BICD1: variants seen among roughly 807,000 people sequenced by gnomAD.
The protein encoded by BICD1 is protein bicaudal D homolog 1.
Under a neutral mutation model 92.5 loss-of-function variants are expected in BICD1, and 35 were observed. The ratio of observed to expected loss-of-function variants is 0.38; its 90% CI spans 0.29 to 0.50. The LOEUF (loss-of-function observed/expected upper bound fraction) is 0.50. Ranked by LOEUF, BICD1 falls within the 20% of genes least tolerant of loss-of-function variation. The pLI, the probability that BICD1 is intolerant of heterozygous loss-of-function variation, is 0.93. For missense variants in BICD1, 950 were observed against 1,189.8 expected (o/e 0.80, Z 2.97); for synonymous variants, 429 against 465.1 (o/e 0.92, Z 1.00).
At chr12:32,302,761 T>C (rs1002286826) in intron 3 of BICD1, among the ~76,000 whole-genome samples, 3 of 152,138 alleles carry the variant, frequency 2.0e-5, no homozygotes, top group East Asian at 1.9e-4. Context: ...TGCATATTCA[T>C]GGTAGAACAA....
At chr12:32,247,711 T>G (rs935699894) in intron 2 of BICD1, among the ~76,000 whole-genome samples, 2 of 151,926 alleles carry the variant, frequency 1.3e-5, no homozygotes, top group Non-Finnish European at 2.9e-5. Context: ...GGAAAATTGG[T>G]TGAACTGTGA....
chr12:32,333,336 T>A (rs1937961526), intron 5 of BICD1: 3 of 916,434 alleles, frequency 3.3e-6, no homozygotes, highest in Middle Eastern at 1.1e-3. Context: ...ATGAGTAAAG[T>A]CTCATTTTAA....
rs1296544885 is a variant in BICD1, at chr12:32,205,685, AATTTGC to A, written c.214-10560_214-10555del. Among the ~76,000 whole-genome samples, 3 of 92,552 alleles carry A rather than the reference AATTTGC, an allele frequency of 3.2e-5. 1 individual carries two copies. Among genetic ancestry groups the A allele is most frequent in the African/African-American group, 1.1e-4 (3 of 26,640 alleles). 60.7% of individuals were successfully genotyped at this position (92,552 alleles called of 152,430 possible). A position where few individuals can be genotyped will look rare whatever the true frequency, so the allele number is the denominator to read the frequency against. On this transcript the variant is annotated intron_variant, in intron 1 of 9. Coordinates refer to ENST00000652176, the MANE Select transcript of BICD1 (RefSeq NM_001714.4). ...CAGCTTTGTTGATGTATAAGTGATC[AATTTGC>A]ACTCTTTAAATATGTGCAATATATT...
chr12:32,172,899 T>C (rs979588905), intron 1 of BICD1, among the ~76,000 whole-genome samples: 2 of 152,230 alleles, frequency 1.3e-5, no homozygotes, highest in African/African-American at 4.8e-5. Flanking sequence ...CTATTCTCTT[T>C]CGGCATTTTT....
At chr12:32,216,968 G>A (rs1945379969) in intron 2 of BICD1, among the ~76,000 whole-genome samples, 1 of 152,170 alleles carries the variant, frequency 6.6e-6, no homozygotes, top group African/African-American at 2.4e-5. Flanking sequence ...GCAAATTATG[G>A]CTGGTATGAA....
intron 2 of BICD1, among the ~76,000 whole-genome samples, chr12:32,232,862 T>G (rs564813835): frequency 6.6e-6 from 1 of 152,274 alleles, no homozygotes; most frequent in African/African-American, 2.4e-5. Flanking sequence ...TCCCCATGAC[T>G]GCTTTATTTC....
chr12:32,202,223 C>G (rs1394643996), intron 1 of BICD1, among the ~76,000 whole-genome samples: 1 of 152,178 alleles, frequency 6.6e-6, no homozygotes, highest in African/African-American at 2.4e-5. Flanking sequence ...GAGACAGATT[C>G]ACCAGGAAAC....
intron 1 of BICD1, among the ~76,000 whole-genome samples, chr12:32,113,876 AT>A (rs1056671545): frequency 2.5e-4 from 35 of 142,450 alleles, no homozygotes; most frequent in Admixed American, 2.8e-4. Context: ...TGCCTGAATA[AT>A]TTTTTTTTTT....
intron 1 of BICD1, among the ~76,000 whole-genome samples, chr12:32,118,440 AGCATCCTTGGATTCT>A (rs1437714881): frequency 9.8e-5 from 15 of 152,298 alleles, no homozygotes; most frequent in East Asian, 9.7e-4. Flanking sequence ...CTGTGGGTTC[AGCATCCTTGGATTCT>A]GCATCCTTGG....
chr12:32,184,582 G>A (rs550826569), intron 1 of BICD1, among the ~76,000 whole-genome samples: 37 of 152,262 alleles, frequency 2.4e-4, no homozygotes, highest in African/African-American at 7.0e-4. Context: ...ACCGCGCCCG[G>A]CCAAAATAAT....
intron 1 of BICD1, among the ~76,000 whole-genome samples, chr12:32,146,420 C>G (rs777142008): frequency 9.2e-5 from 14 of 151,510 alleles, no homozygotes; most frequent in Non-Finnish European, 1.8e-4. Context: ...GAACTATGGT[C>G]AAGTGGAGGT....
At chr12:32,368,938 CAGAT>C (rs1299814706) in intron 9 of BICD1, among the ~76,000 whole-genome samples, 2 of 152,040 alleles carry the variant, frequency 1.3e-5, no homozygotes, top group African/African-American at 4.8e-5. Context: ...GATAGACAGA[CAGAT>C]AGAACAGCTG....
At chr12:32,191,359 A>G (rs1944561227) in intron 1 of BICD1, among the ~76,000 whole-genome samples, 1 of 151,990 alleles carries the variant, frequency 6.6e-6, no homozygotes, top group South Asian at 2.1e-4. Context: ...AAATGAAATT[A>G]TAAATGAAAG....
chr12:32,232,515 A>C (rs556864323), intron 2 of BICD1, among the ~76,000 whole-genome samples: 10 of 147,692 alleles, frequency 6.8e-5, no homozygotes, highest in African/African-American at 2.5e-4. Flanking sequence ...TAGGTTGCGA[A>C]AATTTTCTCC....
intron 1 of BICD1, among the ~76,000 whole-genome samples, chr12:32,143,297 C>G (rs1295658232): frequency 1.3e-5 from 2 of 152,188 alleles, no homozygotes; most frequent in African/African-American, 4.8e-5. Flanking sequence ...GTAGCTTTCT[C>G]TGTCCCAGAC....
intron 1 of BICD1, among the ~76,000 whole-genome samples, chr12:32,186,589 T>C (rs1191281179): frequency 6.6e-6 from 1 of 152,212 alleles, no homozygotes; most frequent in Non-Finnish European, 1.5e-5. Flanking sequence ...AGTTGTGACA[T>C]TGGAGTGCTG....
Position 32,328,438 on chromosome 12 carries a change from C to T in BICD1, c.1983C>T (p.Pro661=), listed in dbSNP as rs752293409. ...RQRAAARELA[P]MIDKDKEALM... is the part of the protein sequence containing the mutation. ...GAGCAGCGGCTCGGGAGCTAGCCCC[C>T]ATGATTGATAAAGACAAGGAAGCCT... is the stretch of plus-strand genomic sequence containing the variant. The change falls in exon 5 of 10, where the codon CCC becomes CCT. Residue 661 remains proline, a synonymous_variant. Coordinates refer to ENST00000652176, the MANE Select transcript of BICD1 (RefSeq NM_001714.4). The surrounding 1 kb of genome is among the most constrained non-coding windows in gnomAD (Gnocchi z 4.4). The T allele has an allele frequency of 6.2e-7, 1 of 1,614,176 alleles. No homozygotes were observed. The highest frequency in any genetic ancestry group is 1.1e-5 in the South Asian group (1 of 91,082).
intron 1 of BICD1, among the ~76,000 whole-genome samples, chr12:32,145,568 T>A (rs1462662521): frequency 1.3e-5 from 2 of 152,242 alleles, no homozygotes; most frequent in East Asian, 3.8e-4. Context: ...CTATTATACA[T>A]GACAATATGC....
At chr12:32,179,877 C>T (rs912823321) in intron 1 of BICD1, among the ~76,000 whole-genome samples, 1 of 150,976 alleles carries the variant, frequency 6.6e-6, no homozygotes, top group African/African-American at 2.4e-5. Context: ...GTAATCCCAG[C>T]TACTCAGGAG....
Sources: gnomAD v4.1 joint callset for allele counts (sites outside exome capture counted in the v4.1 genomes callset) on GRCh38, gnomAD v4.1.1 for gene constraint, Gnocchi (gnomAD v3.1) non-coding constraint, MANE v1.5 for transcripts, NCBI Gene and HGNC (gene_info 2026-07-23, HGNC 2026-07-21) for gene names.